The following PPP2R3C variants were observed in gnomAD, a reference collection of about 807,000 sequenced individuals.
PPP2R3C encodes the protein protein phosphatase 2 regulatory subunit B''gamma.
In PPP2R3C, 47 loss-of-function variants were observed where a neutral mutation model predicts 63.7. The ratio of observed to expected loss-of-function variants is 0.74; its 90% CI spans 0.58 to 0.94. PPP2R3C has a LOEUF of 0.94. Among genes scored for constraint, PPP2R3C ranks in the 40% least tolerant of loss-of-function variants. The pLI is 0.00. For synonymous variants in PPP2R3C, 180 were observed against 177.4 expected (o/e 1.01, Z -0.12); for missense variants, 421 against 518.4 (o/e 0.81, Z 1.82).
At chr14:35,090,578 G>T (rs1173545111) in intron 11 of PPP2R3C, among the ~76,000 whole-genome samples, 3 of 152,002 alleles carry the variant, frequency 2.0e-5, no homozygotes, top group Admixed American at 1.3e-4. Flanking sequence ...TAAACCAAAT[G>T]ATATATCTTT....
intron 10 of PPP2R3C, among the ~76,000 whole-genome samples, chr14:35,093,351 T>A (rs2045892153): frequency 6.6e-6 from 1 of 152,118 alleles, no homozygotes; most frequent in African/African-American, 2.4e-5. Flanking sequence ...TCTGCATAAA[T>A]AGCACTAAAG....
rs1450109526 is a variant in PPP2R3C, at chr14:35,096,649, G to A, written c.763-16C>T. On this transcript the variant is annotated splice_polypyrimidine_tract_variant and intron_variant, in intron 8 of 12. Coordinates refer to ENST00000261475, the MANE Select transcript of PPP2R3C (RefSeq NM_017917.4). ...CATCCCTTAGCTAATGGAACACAAA[G>A]ACATAATTAGAAGATAGCAACTGTC... 7 of 1,611,368 alleles carry A rather than the reference G, an allele frequency of 4.3e-6. 1 individual carries two copies. In the South Asian group the frequency reaches 5.5e-5, roughly 13 times the overall value.
intron 1 of PPP2R3C, chr14:35,117,049 T>C (rs1254461682): frequency 4.4e-6 from 2 of 455,888 alleles, no homozygotes; most frequent in African/African-American, 4.0e-5. Flanking sequence ...ATTCATTCAA[T>C]GAAAAGAATT....
intron 11 of PPP2R3C, among the ~76,000 whole-genome samples, chr14:35,088,885 T>C (rs1165418265): frequency 6.6e-6 from 1 of 152,222 alleles, no homozygotes; most frequent in African/African-American, 2.4e-5. Flanking sequence ...ATATGAAATA[T>C]TTTTAAAGTA....
At chr14:35,085,827 T>C (rs931476298) in intron 12 of PPP2R3C, 49 bp from the exon 13 acceptor site, 6 of 1,465,000 alleles carry the variant, frequency 4.1e-6, no homozygotes, top group African/African-American at 2.8e-5. Context: ...TTAATTTCTA[T>C]CACACATAGT....
rs59775301 is a variant in PPP2R3C at position 35,095,851 on chromosome 14, CA to C, written c.839-668del. Among the ~76,000 whole-genome samples the C allele has an allele frequency of 2.2e-3, 92 of 41,158 alleles. No homozygotes were observed. In the South Asian group the frequency reaches 0.029, roughly 13 times the overall value. 27.0% of individuals were successfully genotyped at this position (41,158 alleles called of 152,430 possible). A position where few individuals can be genotyped will look rare whatever the true frequency, so the allele number is the denominator to read the frequency against. On this transcript the variant is annotated intron_variant, in intron 9 of 12. Transcript: ENST00000261475. ...AGGTAACAGTGCAAGACTCTATCTCCAAAAAAAAAAAAAAAAAAAAAAGCCA... is the reference window on the plus strand; with the variant it reads ...AGGTAACAGTGCAAGACTCTATCTCCAAAAAAAAAAAAAAAAAAAAAGCCA...
At chr14:35,097,385 T>C (rs1299772636) in intron 7 of PPP2R3C, among the ~76,000 whole-genome samples, 1 of 152,192 alleles carries the variant, frequency 6.6e-6, no homozygotes, top group Non-Finnish European at 1.5e-5. Flanking sequence ...ACAGGGACAC[T>C]GTCTCCATTT....
chr14:35,105,778 C>T lies in PPP2R3C; in HGVS notation c.573+1526G>A, dbSNP rs1184007044. On this transcript the variant is annotated intron_variant, in intron 6 of 12. Coordinates refer to ENST00000261475, the MANE Select transcript of PPP2R3C (RefSeq NM_017917.4). Reference sequence around the variant, plus strand: ...ATTCTAGCTGCTTTCCTCTATTGAGCGCAGAGTATACTATGTCTCTATGTG... The same window carrying T: ...ATTCTAGCTGCTTTCCTCTATTGAGTGCAGAGTATACTATGTCTCTATGTG... 2.6e-5 allele frequency among the ~76,000 whole-genome samples: 4 copies of T among 152,072 alleles called. No homozygotes were observed. The East Asian group carries it at 7.7e-4, about 29-fold the overall frequency.
chr14:35,122,238 G>C (rs952064694), upstream of PPP2R3C: 1 of 457,726 alleles, frequency 2.2e-6, no homozygotes, highest in Admixed American at 3.3e-5. Context: ...GGATTTTAAA[G>C]GCCACGATAA....
At chr14:35,110,718 A>C (rs2046527658) in intron 2 of PPP2R3C, 89 bp from the exon 3 acceptor site, 1 of 784,218 alleles carries the variant, frequency 1.3e-6, no homozygotes, top group Non-Finnish European at 2.1e-6. Flanking sequence ...ACTGTATGCC[A>C]CCGCCTCGAA....
intron 6 of PPP2R3C, among the ~76,000 whole-genome samples, chr14:35,106,087 C>T (rs547915138): frequency 9.8e-4 from 149 of 151,988 alleles, no homozygotes; most frequent in African/African-American, 3.4e-3. Flanking sequence ...CCTCGTGATC[C>T]GCCCGCCTCG....
chr14:35,108,143 TC>T lies in PPP2R3C; in HGVS notation c.497del (p.Arg166LysfsTer10). The T allele has an allele frequency of 6.2e-7, 1 of 1,607,884 alleles. No individual in the cohort carries two copies. Among genetic ancestry groups the T allele is most frequent in the African/African-American group, 1.3e-5 (1 of 74,842 alleles). ...SIMQFFNYVM[R>X]KVWLHQTRIG... Reference sequence around the variant, plus strand: ...AGCACAGTAAAAATGAATCACCTTTTCTCATGACATAATTAAAGAACTGCAT... The same window carrying T: ...AGCACAGTAAAAATGAATCACCTTTTTCATGACATAATTAAAGAACTGCAT... On this transcript the variant is annotated frameshift_variant, in exon 5 of 13. Coordinates refer to ENST00000261475, the MANE Select transcript of PPP2R3C (RefSeq NM_017917.4). LOFTEE classifies it high-confidence loss of function.
chr14:35,091,274 T>A, intron 10 of PPP2R3C, 67 bp from the exon 11 acceptor site: 1 of 1,414,220 alleles, frequency 7.1e-7, no homozygotes, highest in South Asian at 1.4e-5. Context: ...GAATATCTTA[T>A]GATTTGAAGC....
intron 6 of PPP2R3C, among the ~76,000 whole-genome samples, chr14:35,103,242 C>A (rs2046253263): frequency 1.3e-5 from 2 of 152,224 alleles, no homozygotes; most frequent in African/African-American, 4.8e-5. Context: ...TCTCCAACTT[C>A]ATTTTCTGTT....
At chr14:35,095,413 T>TG (rs766583353) in intron 9 of PPP2R3C, among the ~76,000 whole-genome samples, 6 of 152,210 alleles carry the variant, frequency 3.9e-5, no homozygotes, top group Non-Finnish European at 7.3e-5. Flanking sequence ...CCATAGTCTC[T>TG]GGGCTGTTTC....
chr14:35,116,820 G>T, intron 1 of PPP2R3C, 83 bp from the exon 2 acceptor site: 1 of 1,123,928 alleles, frequency 8.9e-7, no homozygotes, highest in Non-Finnish European at 1.2e-6. Flanking sequence ...TATATTAATA[G>T]TTTAATTAAA....
At chr14:35,112,599 C>T (rs914032123) in intron 2 of PPP2R3C, among the ~76,000 whole-genome samples, 29 of 152,166 alleles carry the variant, frequency 1.9e-4, no homozygotes, top group Non-Finnish European at 2.9e-5. Context: ...GGCCCCCCAA[C>T]CATCTGAATG....
chr14:35,093,035 T>G (rs945274616), intron 10 of PPP2R3C, among the ~76,000 whole-genome samples: 1 of 150,840 alleles, frequency 6.6e-6, no homozygotes, highest in African/African-American at 2.4e-5. Flanking sequence ...ACGGTGAAAC[T>G]CCGTCTCTAC....
At chr14:35,093,086 G>A (rs894494961) in intron 10 of PPP2R3C, among the ~76,000 whole-genome samples, 56 of 152,190 alleles carry the variant, frequency 3.7e-4, no homozygotes, top group African/African-American at 1.1e-3. Flanking sequence ...GGTGGCGGGC[G>A]CCTGTAGTCC....
Sources: allele counts gnomAD v4.1 joint callset (sites outside exome capture counted in the v4.1 genomes callset), GRCh38; gene constraint gnomAD v4.1.1; transcripts MANE v1.5; gene names NCBI Gene and HGNC (gene_info 2026-07-23, HGNC 2026-07-21).